ANO4: variants seen among roughly 807,000 people sequenced by gnomAD.
ANO4 encodes the protein anoctamin-4.
A neutral mutation model predicts 141.9 loss-of-function variants in ANO4; 69 were observed. The observed-to-expected ratio is 0.49, with a 90% confidence interval of 0.40 to 0.59. The LOEUF (loss-of-function observed/expected upper bound fraction) is 0.59. ANO4 is among the 20% of genes least tolerant of loss of function. The probability of loss-of-function intolerance (pLI) is 0.00; values close to 1 mark genes in which losing one functional copy is unlikely to be tolerated. For missense variants in ANO4, 894 were observed against 1,162.2 expected, an observed-to-expected ratio of 0.77 and a Z score of 3.36; for synonymous variants, 350 against 394.3, an observed-to-expected ratio of 0.89 and a Z score of 1.33.
At chr12:100,865,682 G>A (rs561604739) in intron 1 of ANO4, among the ~76,000 whole-genome samples, 26 of 152,276 alleles carry the variant, frequency 1.7e-4, no homozygotes, top group Non-Finnish European at 3.4e-4. Flanking sequence ...TTACCCTGTT[G>A]ATGCTGTATA....
chr12:101,037,457 C>A (rs2047244037), intron 10 of ANO4, among the ~76,000 whole-genome samples: 1 of 152,136 alleles, frequency 6.6e-6, no homozygotes, highest in South Asian at 2.1e-4. Flanking sequence ...CATGAGGCAC[C>A]AAATCCACAA....
intron 3 of ANO4, among the ~76,000 whole-genome samples, chr12:100,938,136 A>C (rs1218971516): frequency 6.6e-6 from 1 of 152,216 alleles, no homozygotes; most frequent in Non-Finnish European, 1.5e-5. Context: ...TTGGAAAGCT[A>C]AAAGTGTTGC....
chr12:100,916,798 T>C (rs887565420), intron 2 of ANO4, among the ~76,000 whole-genome samples: 2 of 152,198 alleles, frequency 1.3e-5, no homozygotes, highest in African/African-American at 4.8e-5. Context: ...GGGATTTCTA[T>C]GGACAAAGAA....
At chr12:100,993,722 G>T (rs1555270878) in intron 8 of ANO4, among the ~76,000 whole-genome samples, 1 of 152,084 alleles carries the variant, frequency 6.6e-6, no homozygotes, top group Non-Finnish European at 1.5e-5. Context: ...AAATTTTTAT[G>T]GGCCAGGCCT....
intron 14 of ANO4, chr12:101,066,677 G>T: frequency 1.6e-6 from 1 of 638,032 alleles, no homozygotes; most frequent in Non-Finnish European, 2.9e-6. Flanking sequence ...TGCGGTCGGC[G>T]GCCTCCTCCT....
chr12:101,096,598 T>C lies in ANO4; in HGVS notation c.1801T>C (p.Phe601Leu). ...CACCCTGAAAATGTTTCTTTTTCAG[T>C]TTGTCAATCTGAACAGCTCCACATT... is the stretch of plus-strand genomic sequence containing the variant. ...SFTLKMFLFQFVNLNSSTFYI... is the reference protein window; with the variant it reads ...SFTLKMFLFQLVNLNSSTFYI... The change falls in exon 19 of 28, where the codon TTT (phenylalanine) becomes CTT (leucine). Residue 601 changes from phenylalanine (F) to leucine (L), a missense_variant. Physicochemically the swap from Phe to Leu is conservative, Grantham distance 22. This residue lies in a region of ANO4 where 637 missense variants were observed against 909.2 expected (regional missense o/e 0.70). Coordinates refer to ENST00000392977, the MANE Select transcript of ANO4 (RefSeq NM_001286615.2). 6.2e-7 allele frequency: 1 copy of C among 1,613,432 alleles called. No homozygotes were observed. The highest frequency in any genetic ancestry group is 8.5e-7 in the Non-Finnish European group (1 of 1,179,654).
At chr12:100,919,282 G>C (rs1487729054) in intron 2 of ANO4, among the ~76,000 whole-genome samples, 2 of 152,156 alleles carry the variant, frequency 1.3e-5, no homozygotes, top group African/African-American at 2.4e-5. Flanking sequence ...ATGTGCAATA[G>C]TATTTTAGGC....
intron 3 of ANO4, among the ~76,000 whole-genome samples, chr12:100,753,977 A>C (rs1171177975): frequency 2.6e-5 from 4 of 152,208 alleles, no homozygotes; most frequent in African/African-American, 9.6e-5. Context: ...AGTCATCTTT[A>C]ACCAACCACT....
At chr12:100,769,110 C>A (rs2033200013) in intron 3 of ANO4, among the ~76,000 whole-genome samples, 1 of 152,188 alleles carries the variant, frequency 6.6e-6, no homozygotes, top group Non-Finnish European at 1.5e-5. Flanking sequence ...TTCACACAAT[C>A]ATTTTTCAGC....
At chr12:101,068,655 G>T in intron 14 of ANO4, 1 of 1,319,812 alleles carries the variant, frequency 7.6e-7, no homozygotes, top group Admixed American at 1.7e-5. Flanking sequence ...TTGAGCAAGA[G>T]AATGACTTCC....
intron 3 of ANO4, among the ~76,000 whole-genome samples, chr12:100,756,123 T>C (rs576788572): frequency 5.9e-5 from 9 of 152,346 alleles, no homozygotes; most frequent in Admixed American, 5.2e-4. Flanking sequence ...CTAAAAGTTA[T>C]ATTGAAGTGC....
intron 1 of ANO4, among the ~76,000 whole-genome samples, chr12:100,848,673 C>T (rs1370760558): frequency 6.6e-6 from 1 of 152,100 alleles, no homozygotes; most frequent in Non-Finnish European, 1.5e-5. Context: ...CTTTTCTGCA[C>T]GCGACCCCCT....
At chr12:101,099,810 C>G in intron 22 of ANO4, 90 bp downstream of exon 22, 1 of 1,136,348 alleles carries the variant, frequency 8.8e-7, no homozygotes. Flanking sequence ...TCATCAAGGT[C>G]CTCAGTGCGT....
chr12:101,081,915 C>T (rs144954317), intron 15 of ANO4, among the ~76,000 whole-genome samples: 1 of 152,148 alleles, frequency 6.6e-6, no homozygotes, highest in Non-Finnish European at 1.5e-5. Flanking sequence ...AGGGTCCACC[C>T]TAATGACCTC....
At chr12:100,966,840 C>T (rs760001623) in intron 5 of ANO4, among the ~76,000 whole-genome samples, 1 of 48,960 alleles carries the variant, frequency 2.0e-5, no homozygotes, top group Admixed American at 1.7e-4. Context: ...CATATATATA[C>T]ACACACACAT....
chr12:100,784,860 G>A (rs1052661706), intron 3 of ANO4, among the ~76,000 whole-genome samples: 7 of 152,120 alleles, frequency 4.6e-5, no homozygotes, highest in Non-Finnish European at 1.0e-4. Context: ...GTTTGTCTGT[G>A]TGCTTGCCCC....
chr12:101,064,713 C>T (rs948606485), intron 14 of ANO4, among the ~76,000 whole-genome samples: 1 of 150,442 alleles, frequency 6.6e-6, no homozygotes, highest in Admixed American at 6.6e-5. Context: ...TAGTAGTTCC[C>T]CTTTTTCCAC....
chr12:100,805,980 A>G (rs1443022912), intron 1 of ANO4, among the ~76,000 whole-genome samples: 1 of 152,158 alleles, frequency 6.6e-6, no homozygotes, highest in South Asian at 2.1e-4. Context: ...AAAAGGAGCA[A>G]CCTAACAGCA....
intron 1 of ANO4, among the ~76,000 whole-genome samples, chr12:100,847,266 C>G (rs1186962948): frequency 6.6e-6 from 1 of 152,076 alleles, no homozygotes; most frequent in Non-Finnish European, 1.5e-5. Context: ...CATACACTTG[C>G]TTTTTTGGAA....
Sources: gnomAD v4.1 joint callset for allele counts (sites outside exome capture counted in the v4.1 genomes callset) on GRCh38, gnomAD v4.1.1 for gene constraint, gnomAD v4.1.1 regional missense constraint, MANE v1.5 for transcripts, NCBI Gene and HGNC (gene_info 2026-07-23, HGNC 2026-07-21) for gene names.